The following PRMT8 variants were observed in gnomAD, a reference collection of about 807,000 sequenced individuals.
PRMT8 encodes protein arginine methyltransferase 8.
In PRMT8, 7 loss-of-function variants were observed where a neutral mutation model predicts 47.1. The ratio of observed to expected loss-of-function variants is 0.15; its 90% CI spans 0.08 to 0.28. PRMT8 has a LOEUF of 0.28. PRMT8 is among the 10% of genes least tolerant of loss of function. The pLI is 1.00. For missense variants in PRMT8, 237 were observed against 505.4 expected, an observed-to-expected ratio of 0.47 and a Z score of 5.09; for synonymous variants, 188 against 186.5, an observed-to-expected ratio of 1.01 and a Z score of -0.07.
intron 1 of PRMT8, among the ~76,000 whole-genome samples, chr12:3,383,486 T>TA (rs1392386309): frequency 6.6e-6 from 1 of 152,202 alleles, no homozygotes; most frequent in Admixed American, 6.5e-5. Context: ...GTGGTGGTAT[T>TA]AAGAGGTGGG....
At chr12:3,447,069 T>C (rs1247592010) in intron 1 of PRMT8, among the ~76,000 whole-genome samples, 2 of 152,146 alleles carry the variant, frequency 1.3e-5, no homozygotes, top group African/African-American at 4.8e-5. Context: ...CCCAGGGACC[T>C]GTTCACCCAC....
At chr12:3,433,358 T>G (rs111907787) in intron 1 of PRMT8, among the ~76,000 whole-genome samples, 6 of 152,350 alleles carry the variant, frequency 3.9e-5, no homozygotes, top group African/African-American at 1.4e-4. Context: ...CAATGTCAGC[T>G]AGGGTTTTTC....
chr12:3,561,154 T>C (rs537426727), intron 4 of PRMT8, among the ~76,000 whole-genome samples: 1 of 152,316 alleles, frequency 6.6e-6, no homozygotes, highest in East Asian at 1.9e-4. Flanking sequence ...AGGGCAGTGG[T>C]TGGAACATTC....
At chr12:3,489,758 G>C (rs1298987765), upstream of PRMT8, among the ~76,000 whole-genome samples, 1 of 151,880 alleles carries the variant, frequency 6.6e-6, no homozygotes, top group Non-Finnish European at 1.5e-5. Context: ...TCTGTGTTCT[G>C]AGAAGGGAAA....
In PRMT8 at chr12:3,453,819, A is replaced by G. The variant is rs557561073; in HGVS notation, c.48+72377A>G. ...CTGTGTCTATTTCTCAGCTCCTGCT[A>G]TGCTAGGTCTGGGCTTCCGACGCCG... On this transcript the variant is annotated intron_variant, in intron 1 of 9. Coordinates refer to the PRMT8 transcript ENST00000452611. The surrounding 1 kb of genome is among the most constrained non-coding windows in gnomAD (Gnocchi z 4.9). 5.6e-4 allele frequency among the ~76,000 whole-genome samples: 85 copies of G among 152,166 alleles called. No individual in the cohort carries two copies. The highest frequency in any genetic ancestry group is 2.0e-3 in the African/African-American group (84 of 41,530).
At chr12:3,573,715 A>G (rs928620590) in intron 6 of PRMT8, among the ~76,000 whole-genome samples, 9 of 152,304 alleles carry the variant, frequency 5.9e-5, no homozygotes, top group Admixed American at 4.6e-4. Context: ...AATTACATAC[A>G]TTATGCCATA....
At chr12:3,510,825 A>G (rs185335049) in intron 1 of PRMT8, among the ~76,000 whole-genome samples, 36 of 152,302 alleles carry the variant, frequency 2.4e-4, no homozygotes, top group Non-Finnish European at 4.7e-4. Context: ...CACTCCACGT[A>G]ATCCAGTCAA....
At position 3,491,269 on chromosome 12, in the gene PRMT8, C is replaced by A. The variant is rs186698249; in HGVS notation, c.-357C>A. 0.043 allele frequency: 44,457 copies of A among 1,042,570 alleles called. 1,028 individuals are homozygous for A. The highest frequency in any genetic ancestry group is 0.054 in the Middle Eastern group (119 of 2,196). 64.6% of individuals were successfully genotyped at this position (1,042,570 alleles called of 1,614,324 possible). A position where few individuals can be genotyped will look rare whatever the true frequency, so the allele number is the denominator to read the frequency against. On this transcript the variant is annotated 5_prime_UTR_variant, in exon 1 of 10. Coordinates refer to ENST00000382622, the MANE Select transcript of PRMT8 (RefSeq NM_019854.5). ...GCTGCCTCCGGCCGGCCGGACTTTGCGAGCAGCCTGGAGAGGATCCGCGAC... is the reference window on the plus strand; with the variant it reads ...GCTGCCTCCGGCCGGCCGGACTTTGAGAGCAGCCTGGAGAGGATCCGCGAC...
At chr12:3,529,746 T>A (rs940050566) in intron 1 of PRMT8, among the ~76,000 whole-genome samples, 1 of 152,154 alleles carries the variant, frequency 6.6e-6, no homozygotes, top group Admixed American at 6.5e-5. Context: ...TCTTATAACA[T>A]GATTTTGTAG....
intron 1 of PRMT8, among the ~76,000 whole-genome samples, chr12:3,525,457 C>T (rs903661351): frequency 6.6e-6 from 1 of 152,140 alleles, no homozygotes; most frequent in African/African-American, 2.4e-5. Context: ...CATTCTGAAT[C>T]TTCCTACTTC....
chr12:3,530,941 A>T (rs1591587333), intron 1 of PRMT8, among the ~76,000 whole-genome samples: 1 of 152,212 alleles, frequency 6.6e-6, no homozygotes, highest in Non-Finnish European at 1.5e-5. Context: ...GAAACCGAGG[A>T]TAGGGAAGGC....
intron 2 of PRMT8, among the ~76,000 whole-genome samples, chr12:3,545,536 C>T (rs928096829): frequency 2.0e-5 from 3 of 152,216 alleles, no homozygotes; most frequent in Admixed American, 1.3e-4. Flanking sequence ...GATGGCTGGG[C>T]TTCAGAATGG....
chr12:3,576,838 C>T lies in PRMT8; in HGVS notation c.713-33C>T, dbSNP rs540644209. 2.7e-5 allele frequency: 43 copies of T among 1,575,640 alleles called. 1 individual carries two copies. In the South Asian group the frequency reaches 3.6e-4, roughly 13 times the overall value. ...GTTGGGTGAGCTTCTGGGGGTCCTG[C>T]GCCTGCCTTCACGTCTTGCTCTGCT... On this transcript the variant is annotated intron_variant, in intron 6 of 9. Transcript: ENST00000382622. The surrounding 1 kb of genome is among the most constrained non-coding windows in gnomAD (Gnocchi z 4.0).
chr12:3,434,796 A>G (rs1659525686), intron 1 of PRMT8, among the ~76,000 whole-genome samples: 1 of 151,042 alleles, frequency 6.6e-6, no homozygotes, highest in South Asian at 2.1e-4. Flanking sequence ...CACAGGGTGC[A>G]AGAGTTTACA....
intron 4 of PRMT8, 56 bp from the exon 5 acceptor site, chr12:3,568,650 T>C (rs977171211): frequency 1.9e-6 from 3 of 1,606,144 alleles, no homozygotes; most frequent in African/African-American, 1.3e-5. Flanking sequence ...GTGAGGTGCT[T>C]GTGGTTCCTG....
At chr12:3,449,970 T>C (rs1864900879) in intron 1 of PRMT8, among the ~76,000 whole-genome samples, 1 of 152,208 alleles carries the variant, frequency 6.6e-6, no homozygotes, top group African/African-American at 2.4e-5. Context: ...CCCATCACCA[T>C]TTATTAAATA....
At chr12:3,558,891 G>C (rs1866575141) in intron 4 of PRMT8, among the ~76,000 whole-genome samples, 1 of 152,148 alleles carries the variant, frequency 6.6e-6, no homozygotes, top group African/African-American at 2.4e-5. Flanking sequence ...GATTTTCTGG[G>C]GGAGGTACTT....
intron 1 of PRMT8, among the ~76,000 whole-genome samples, chr12:3,455,833 G>A (rs1228387326): frequency 6.6e-6 from 1 of 152,146 alleles, no homozygotes; most frequent in Non-Finnish European, 1.5e-5. Context: ...AGCTCCAAGA[G>A]GTCAGGTGAC....
rs568668009 is a variant in PRMT8, at chr12:3,493,703, C to A, written c.75+2003C>A. Among the ~76,000 whole-genome samples, 1 of 152,246 alleles carries A rather than the reference C, an allele frequency of 6.6e-6. No homozygotes were observed. The highest frequency in any genetic ancestry group is 1.5e-5 in the Non-Finnish European group (1 of 68,046). ...CTTGCTTCCCCCGCCGCTCCGCGCT[C>A]CCCCTTCTCAGCAGTTGCACATGCC... is the stretch of plus-strand genomic sequence containing the variant. On this transcript the variant is annotated intron_variant, in intron 1 of 9. Transcript: ENST00000382622. The surrounding 1 kb of genome is among the most constrained non-coding windows in gnomAD (Gnocchi z 8.2).
Sources: gnomAD v4.1 joint callset for allele counts (sites outside exome capture counted in the v4.1 genomes callset) on GRCh38, gnomAD v4.1.1 for gene constraint, Gnocchi (gnomAD v3.1) non-coding constraint, MANE v1.5 for transcripts, NCBI Gene and HGNC (gene_info 2026-07-23, HGNC 2026-07-21) for gene names.